Variants in GMDS observed in about 807,000 individuals in gnomAD.
GMDS encodes GDP-mannose 4,6 dehydratase.
GMDS carries 20 observed loss-of-function variants against 49.9 expected under a neutral mutation model. The ratio of observed to expected loss-of-function variants is 0.40; its 90% CI spans 0.28 to 0.58. The LOEUF (loss-of-function observed/expected upper bound fraction) is 0.58. GMDS is among the 20% of genes least tolerant of loss of function. The pLI, the probability that GMDS is intolerant of heterozygous loss-of-function variation, is 0.42. For missense variants in GMDS, 362 were observed against 481.4 expected, an observed-to-expected ratio of 0.75 and a Z score of 2.32; for synonymous variants, 177 against 178.6, an observed-to-expected ratio of 0.99 and a Z score of 0.07.
At chr6:1,728,951 A>C (rs183145249) in intron 8 of GMDS, among the ~76,000 whole-genome samples, 68 of 151,920 alleles carry the variant, frequency 4.5e-4, no homozygotes, top group African/African-American at 1.2e-3. Flanking sequence ...ACAGTAAAAA[A>C]AAAAAACAAA....
chr6:1,826,143 T>C (rs888343964), intron 7 of GMDS, among the ~76,000 whole-genome samples: 1 of 152,190 alleles, frequency 6.6e-6, no homozygotes, highest in Non-Finnish European at 1.5e-5. Flanking sequence ...GCCTAGGACA[T>C]GACTGCACAC....
intron 9 of GMDS, among the ~76,000 whole-genome samples, chr6:1,665,353 C>A (rs989520496): frequency 1.3e-5 from 2 of 152,060 alleles, no homozygotes; most frequent in Non-Finnish European, 2.9e-5. Context: ...GCCTAAGAAT[C>A]AAAAGTGACA....
At position 1,635,072 on chromosome 6, in the gene GMDS, G is replaced by C. The variant is rs958577134; in HGVS notation, c.988-10532C>G. Among the ~76,000 whole-genome samples, 1 of 152,150 alleles carries C rather than the reference G, an allele frequency of 6.6e-6. No homozygotes were observed. ...CTCACCACAGCCCTGCCAGCATTAC[G>C]TGTCATCTCCTTTTTCACGATTTCA... is the stretch of plus-strand genomic sequence containing the variant. On this transcript the variant is annotated intron_variant, in intron 9 of 10. Coordinates refer to ENST00000380815, the MANE Select transcript of GMDS (RefSeq NM_001500.4). The surrounding 1 kb of genome is among the most constrained non-coding windows in gnomAD (Gnocchi z 4.7).
chr6:1,746,805 G>A (rs560139576), intron 7 of GMDS, among the ~76,000 whole-genome samples: 6 of 152,116 alleles, frequency 3.9e-5, no homozygotes, highest in Non-Finnish European at 5.9e-5. Context: ...GGGTTCAAGC[G>A]ATTCTCCTGC....
chr6:1,814,059 T>A (rs226466), intron 7 of GMDS, among the ~76,000 whole-genome samples: 76,071 of 152,112 alleles, frequency 0.5, 19,745 homozygotes, highest in African/African-American at 0.64. Context: ...GTGATTTGTG[T>A]TTCCACTTTC....
chr6:2,111,230 G>A lies in GMDS; in HGVS notation c.345+4541C>T, dbSNP rs1180796967. The stretch of plus-strand genomic sequence containing the variant: ...CAACCGCACAACCACAACAAAAAAA[G>A]CAGTTTCCTAAAACATTTTCTCCAT... On this transcript the variant is annotated intron_variant, in intron 4 of 10. Transcript: ENST00000380815. Among the ~76,000 whole-genome samples the A allele has an allele frequency of 2.0e-5, 3 of 152,100 alleles. No homozygotes were observed. The East Asian group carries it at 5.8e-4, about 29-fold the overall frequency.
intron 7 of GMDS, among the ~76,000 whole-genome samples, chr6:1,830,396 CCA>C (rs1771300642): frequency 6.6e-6 from 1 of 152,164 alleles, no homozygotes; most frequent in Admixed American, 6.5e-5. Context: ...CAAAATGTCT[CCA>C]CACATTGCCC....
chr6:1,805,941 T>G (rs1397862707), intron 7 of GMDS, among the ~76,000 whole-genome samples: 1 of 152,164 alleles, frequency 6.6e-6, no homozygotes, highest in African/African-American at 2.4e-5. Context: ...AAACTTCAAT[T>G]TATATGAAAA....
At chr6:1,957,724 T>A (rs1000059087) in intron 6 of GMDS, among the ~76,000 whole-genome samples, 1 of 152,212 alleles carries the variant, frequency 6.6e-6, no homozygotes, top group South Asian at 2.1e-4. Context: ...GGCTGGCAGT[T>A]ATCACGAGGG....
chr6:1,744,538 A>C (rs952168633), intron 7 of GMDS, among the ~76,000 whole-genome samples: 1 of 150,976 alleles, frequency 6.6e-6, no homozygotes, highest in Non-Finnish European at 1.5e-5. Context: ...TAGTCCACAC[A>C]AGCAGATGGA....
At chr6:1,772,147 A>G (rs1250012391) in intron 7 of GMDS, among the ~76,000 whole-genome samples, 1 of 152,216 alleles carries the variant, frequency 6.6e-6, no homozygotes, top group Admixed American at 6.5e-5. Context: ...ATCTCATGCT[A>G]TTTTCAGTTA....
chr6:1,777,539 T>C (rs566888340), intron 7 of GMDS, among the ~76,000 whole-genome samples: 1 of 152,360 alleles, frequency 6.6e-6, no homozygotes, highest in Admixed American at 6.5e-5. Context: ...ATTTCAACAG[T>C]GTGTGTTACA....
At chr6:1,703,916 C>T (rs9503011) in intron 9 of GMDS, among the ~76,000 whole-genome samples, 13,314 of 152,270 alleles carry the variant, frequency 0.087, 928 homozygotes, top group East Asian at 0.31. Context: ...CTTTCACCTT[C>T]GGCATTAGCT....
chr6:1,957,490 C>T (rs1029118357), intron 6 of GMDS, among the ~76,000 whole-genome samples: 2 of 152,178 alleles, frequency 1.3e-5, no homozygotes, highest in Admixed American at 1.3e-4. Flanking sequence ...TCACGTACAT[C>T]TCTTTTTCTC....
At chr6:1,780,760 G>A (rs1769047001) in intron 7 of GMDS, among the ~76,000 whole-genome samples, 1 of 152,202 alleles carries the variant, frequency 6.6e-6, no homozygotes, top group Non-Finnish European at 1.5e-5. Context: ...GAGTCCTAGT[G>A]CCTGGTGAGA....
chr6:2,154,916 A>G (rs1162360811), intron 1 of GMDS, among the ~76,000 whole-genome samples: 2 of 151,186 alleles, frequency 1.3e-5, no homozygotes, highest in Non-Finnish European at 3.0e-5. Flanking sequence ...CAAGAATAAT[A>G]TAAAAAGTTG....
intron 4 of GMDS, among the ~76,000 whole-genome samples, chr6:2,000,022 T>TA (rs1766681254): frequency 6.8e-5 from 2 of 29,402 alleles, no homozygotes; most frequent in African/African-American, 2.9e-4. Flanking sequence ...TTTATATATA[T>TA]ATATATCTAT....
intron 4 of GMDS, among the ~76,000 whole-genome samples, chr6:2,004,226 A>C (rs191115245): frequency 6.6e-6 from 1 of 152,342 alleles, no homozygotes; most frequent in Admixed American, 6.5e-5. Flanking sequence ...TATTGGTCAT[A>C]CAACGCCTAC....
intron 4 of GMDS, among the ~76,000 whole-genome samples, chr6:2,058,133 C>T (rs1215949235): frequency 2.6e-5 from 4 of 151,996 alleles, no homozygotes; most frequent in Non-Finnish European, 5.9e-5. Flanking sequence ...CCAAGGCAGG[C>T]GGATCACTTG....
Sources: allele counts gnomAD v4.1 joint callset (sites outside exome capture counted in the v4.1 genomes callset), GRCh38; gene constraint gnomAD v4.1.1; non-coding constraint Gnocchi (gnomAD v3.1); transcripts MANE v1.5; gene names NCBI Gene and HGNC (gene_info 2026-07-23, HGNC 2026-07-21).